Variants in FBXL16 observed in about 807,000 individuals in gnomAD.
The protein encoded by FBXL16 is F-box/LRR-repeat protein 16.
FBXL16 carries 7 observed loss-of-function variants against 36.7 expected under a neutral mutation model. The observed-to-expected ratio is 0.19, with a 90% CI of 0.11 to 0.36. The LOEUF (loss-of-function observed/expected upper bound fraction) is 0.36. Ranked by LOEUF, FBXL16 falls within the 10% of genes least tolerant of loss-of-function variation. The probability of loss-of-function intolerance (pLI) is 1.00; values close to 1 mark genes in which losing one functional copy is unlikely to be tolerated. For missense variants in FBXL16, 463 were observed against 659.4 expected, an observed-to-expected ratio of 0.70 and a Z score of 3.26; for synonymous variants, 355 against 308.7, an observed-to-expected ratio of 1.15 and a Z score of -1.57.
At chr16:694,789 C>T (rs922676191) in intron 4 of FBXL16, 92 bp from the exon 5 acceptor site, 6 of 1,416,868 alleles carry the variant, frequency 4.2e-6, no homozygotes. Flanking sequence ...GGGTTCAAGC[C>T]CGGGGTTCCT....
chr16:694,183 C>G lies in FBXL16; in HGVS notation c.*92G>C. ...TGGGCCGGGGGCGCGGGGGCTCCCCCGAGCGCAAGGCGGGAAGAGGGGGCT... is the reference window on the plus strand; with the variant it reads ...TGGGCCGGGGGCGCGGGGGCTCCCCGGAGCGCAAGGCGGGAAGAGGGGGCT... On this transcript the variant is annotated 3_prime_UTR_variant, in exon 6 of 6. Coordinates refer to ENST00000397621, the MANE Select transcript of FBXL16 (RefSeq NM_153350.4). 1.0e-6 allele frequency: 1 copy of G among 958,624 alleles called. No individual in the cohort carries two copies. The highest frequency in any genetic ancestry group is 1.4e-6 in the Non-Finnish European group (1 of 738,616). The allele number at this position is 958,624 out of a possible 1,614,324, so 59.4% of individuals were successfully genotyped here. A position where few individuals can be genotyped will look rare whatever the true frequency, so the allele number is the denominator to read the frequency against.
At chr16:702,314 C>T (rs889829097) in intron 1 of FBXL16, among the ~76,000 whole-genome samples, 1 of 152,138 alleles carries the variant, frequency 6.6e-6, no homozygotes, top group African/African-American at 2.4e-5. Flanking sequence ...CCTGCAAGCT[C>T]TTCTCCTCCA....
intron 2 of FBXL16, chr16:696,133 G>C (rs527324199): frequency 1.6e-6 from 1 of 643,708 alleles, no homozygotes; most frequent in Non-Finnish European, 2.5e-6. Context: ...CTCCAGACCC[G>C]GCTGCCAGGC....
chr16:694,271 C>T lies in FBXL16; in HGVS notation c.*4G>A. 7.2e-7 allele frequency: 1 copy of T among 1,383,404 alleles called. No homozygotes were observed. The highest frequency in any genetic ancestry group is 9.4e-7 in the Non-Finnish European group (1 of 1,065,338). 85.7% of individuals were successfully genotyped at this position (1,383,404 alleles called of 1,614,324 possible). A position where few individuals can be genotyped will look rare whatever the true frequency, so the allele number is the denominator to read the frequency against. On this transcript the variant is annotated 3_prime_UTR_variant, in exon 6 of 6. Transcript: ENST00000397621. Reference sequence around the variant, plus strand: ...GTTCCCGCGACCGGGGCGGGGGCCTCGCGCTACTCAATGACGAGGCAGCGG... The same window carrying T: ...GTTCCCGCGACCGGGGCGGGGGCCTTGCGCTACTCAATGACGAGGCAGCGG...
At chr16:701,079 G>A (rs1351485572) in intron 1 of FBXL16, among the ~76,000 whole-genome samples, 1 of 152,206 alleles carries the variant, frequency 6.6e-6, no homozygotes, top group Non-Finnish European at 1.5e-5. Context: ...GGAGGCATTC[G>A]CGGGGCTCCT....
chr16:701,121 G>A (rs2040053260), intron 1 of FBXL16, among the ~76,000 whole-genome samples: 1 of 152,208 alleles, frequency 6.6e-6, no homozygotes, highest in Admixed American at 6.5e-5. Context: ...CACGTTTGCC[G>A]GCGCCCACAG....
Position 694,282 on chromosome 16 carries a change from A to G in FBXL16, c.1433T>C (p.Ile478Thr), listed in dbSNP as rs1025599358. The G allele has an allele frequency of 6.3e-6, 9 of 1,421,500 alleles. No individual in the cohort carries two copies. The highest frequency in any genetic ancestry group is 8.3e-6 in the Non-Finnish European group (9 of 1,085,746). The allele number at this position is 1,421,500 out of a possible 1,614,324, so 88.1% of individuals were successfully genotyped here. A position where few individuals can be genotyped will look rare whatever the true frequency, so the allele number is the denominator to read the frequency against. Residue 478 changes from isoleucine (I) to threonine (T), a missense_variant, in exon 6 of 6, where the codon ATT becomes ACT. By Grantham distance (89) the Ile-to-Thr change is moderately conservative. Coordinates refer to ENST00000397621, the MANE Select transcript of FBXL16 (RefSeq NM_153350.4). ...CGGGGCGGGGGCCTCGCGCTACTCA[A>G]TGACGAGGCAGCGGGGCAGGTGCTG... ...FSQHLPRCLVIE is the reference protein window; with the variant it reads ...FSQHLPRCLVTE
intron 1 of FBXL16, among the ~76,000 whole-genome samples, chr16:700,731 C>T (rs1270891615): frequency 6.6e-6 from 1 of 152,126 alleles, no homozygotes; most frequent in African/African-American, 2.4e-5. Context: ...GCCGCCTTCC[C>T]CGCCAGGGAC....
chr16:694,361 G>A lies in FBXL16; in HGVS notation c.1354C>T (p.Leu452=), dbSNP rs1317610561. 1 of 1,535,272 alleles carries A rather than the reference G, an allele frequency of 6.5e-7. No individual in the cohort carries two copies. The highest frequency in any genetic ancestry group is 8.7e-7 in the Non-Finnish European group (1 of 1,150,660). ...GLVQLQELEE[L]ELTNCPGATP... ...GCCCCGGGGCAGTTGGTCAGCTCCA[G>A]CTCCTCCAGCTCCTGCAGCTGCACC... Residue 452 remains leucine (L), a synonymous_variant, in exon 6 of 6, where the codon CTG becomes TTG. Coordinates refer to ENST00000397621, the MANE Select transcript of FBXL16 (RefSeq NM_153350.4).
At chr16:698,393 T>C (rs1344299829) in intron 1 of FBXL16, among the ~76,000 whole-genome samples, 1 of 152,156 alleles carries the variant, frequency 6.6e-6, no homozygotes, top group East Asian at 1.9e-4. Context: ...GAGAAGAAAA[T>C]GGAGGTGGAC....
At position 695,066 on chromosome 16, in the gene FBXL16, T is replaced by C. The variant is rs1274249515; in HGVS notation, c.1153A>G (p.Ile385Val). The C allele has an allele frequency of 3.7e-6, 6 of 1,607,258 alleles. No homozygotes were observed. The highest frequency in any genetic ancestry group is 5.1e-6 in the Non-Finnish European group (6 of 1,176,726). ...AGATAGCTGAGGCCAGTGTCCGTGATGCGTACACACCTGTGGTTGCACCAG... is the reference window on the plus strand; with the variant it reads ...AGATAGCTGAGGCCAGTGTCCGTGACGCGTACACACCTGTGGTTGCACCAG... ...EELVLDRCVR[I>V]TDTGLSYLST... is the part of the protein sequence containing the mutation. Residue 385 changes from isoleucine to valine, a missense_variant, in exon 4 of 6, where the codon ATC (isoleucine) becomes GTC (valine). By Grantham distance (29) the Ile-to-Val change is conservative (BLOSUM62 3). Coordinates refer to ENST00000397621, the MANE Select transcript of FBXL16 (RefSeq NM_153350.4).
Position 697,335 on chromosome 16 carries a change from G to C in FBXL16, c.71C>G (p.Pro24Arg). Residue 24 changes from proline to arginine, a missense_variant, in exon 2 of 6, where the codon CCG becomes CGG. This residue lies in a region of FBXL16 where 263 missense variants were observed against 341.1 expected (regional missense o/e 0.77). Coordinates refer to ENST00000397621, the MANE Select transcript of FBXL16 (RefSeq NM_153350.4). The surrounding 1 kb of genome is among the most constrained non-coding windows in gnomAD (Gnocchi z 4.6). ...CLPRNGLVKLPGQPNGLGAAS... is the reference protein window; with the variant it reads ...CLPRNGLVKLRGQPNGLGAAS... ...CGCACCCAGGCCGTTGGGCTGGCCC[G>C]GCAGCTTCACCAGACCGTTTCGAGG... The C allele has an allele frequency of 6.5e-7, 1 of 1,535,822 alleles. No individual in the cohort carries two copies. The highest frequency in any genetic ancestry group is 8.7e-7 in the Non-Finnish European group (1 of 1,146,840).
chr16:702,367 G>A (rs573603757), intron 1 of FBXL16, among the ~76,000 whole-genome samples: 251 of 152,232 alleles, frequency 1.6e-3, no homozygotes, highest in Non-Finnish European at 2.8e-3. Context: ...CTCCTGCTCC[G>A]GGACCCCCAG....
intron 1 of FBXL16, among the ~76,000 whole-genome samples, chr16:699,469 A>G (rs976505283): frequency 6.6e-6 from 1 of 151,962 alleles, no homozygotes; most frequent in Non-Finnish European, 1.5e-5. Context: ...AATGGGCCCC[A>G]CCCTGGCTCT....
rs1367583439 is a variant in FBXL16, at chr16:695,634, G to C, written c.923C>G (p.Thr308Ser). Reference sequence around the variant, plus strand: ...CACCACGTTGACCACGCCGTGGTTGGTGATCTCCCAGCAGGAGAGCAGGCG... The same window carrying C: ...CACCACGTTGACCACGCCGTGGTTGCTGATCTCCCAGCAGGAGAGCAGGCG... ...TLRLLSCWEI[T>S]NHGVVNVVHS... Residue 308 changes from threonine (T) to serine (S), a missense_variant, in exon 3 of 6, where the codon ACC becomes AGC. Coordinates refer to ENST00000397621, the MANE Select transcript of FBXL16 (RefSeq NM_153350.4). 1 of 1,606,586 alleles carries C rather than the reference G, an allele frequency of 6.2e-7. No homozygotes were observed.
chr16:695,355 C>T (rs1234655631), intron 3 of FBXL16, 60 bp downstream of exon 3: 11 of 1,195,288 alleles, frequency 9.2e-6, no homozygotes, highest in East Asian at 4.6e-5. Context: ...CCCCGCCCCG[C>T]CCCGCCCCGT....
Position 696,956 on chromosome 16 carries a change from C to T in FBXL16, c.450G>A (p.Leu150=), listed in dbSNP as rs765538857. ...TCACGAACTCCTTCTCGCCACCAGGCAGCACGTTGTAGAGCTCCTTGGCAT... is the reference window on the plus strand; with the variant it reads ...TCACGAACTCCTTCTCGCCACCAGGTAGCACGTTGTAGAGCTCCTTGGCAT... The part of the protein sequence containing the change: ...VLHAKELYNV[L]PGGEKEFVNL... The change falls in exon 2 of 6, where the codon CTG becomes CTA. Residue 150 remains leucine, a synonymous_variant. Transcript: ENST00000397621. 15 of 1,603,106 alleles carry T rather than the reference C, an allele frequency of 9.4e-6. No homozygotes were observed. Among genetic ancestry groups the T allele is most frequent in the Non-Finnish European group, 1.3e-5 (15 of 1,176,050 alleles).
chr16:699,543 G>A (rs1257030575), intron 1 of FBXL16, among the ~76,000 whole-genome samples: 1 of 152,210 alleles, frequency 6.6e-6, no homozygotes, highest in Non-Finnish European at 1.5e-5. Context: ...GCCTGGGGAG[G>A]TGACGGTACC....
intron 1 of FBXL16, among the ~76,000 whole-genome samples, chr16:705,205 C>T (rs2040083338): frequency 6.6e-6 from 1 of 152,172 alleles, no homozygotes; most frequent in South Asian, 2.1e-4. Flanking sequence ...GGGTGGAGGC[C>T]GGGGGCCTAC....
Sources: gnomAD v4.1 joint callset for allele counts (sites outside exome capture counted in the v4.1 genomes callset) on GRCh38, gnomAD v4.1.1 for gene constraint, gnomAD v4.1.1 regional missense constraint, Gnocchi (gnomAD v3.1) non-coding constraint, MANE v1.5 for transcripts, NCBI Gene and HGNC (gene_info 2026-07-23, HGNC 2026-07-21) for gene names.